LRMDA: variants seen among roughly 807,000 people sequenced by gnomAD.
LRMDA encodes leucine-rich melanocyte differentiation-associated protein.
Under a neutral mutation model 29.8 loss-of-function variants are expected in LRMDA, and 18 were observed. The ratio of observed to expected loss-of-function variants is 0.60; its 90% CI spans 0.42 to 0.90. The LOEUF is 0.90. LRMDA is among the 40% of genes least tolerant of loss of function. The pLI is 0.00. For missense variants in LRMDA, 273 were observed against 273.9 expected (o/e 1.00, Z 0.02); for synonymous variants, 125 against 109.4 (o/e 1.14, Z -0.89).
At chr10:75,646,784 A>G (rs191749045) in intron 2 of LRMDA, among the ~76,000 whole-genome samples, 1 of 152,314 alleles carries the variant, frequency 6.6e-6, no homozygotes, top group Non-Finnish European at 1.5e-5. Context: ...AATTGGGATG[A>G]GTTGGGCAAA....
At chr10:76,140,323 G>T (rs1019083846) in intron 5 of LRMDA, among the ~76,000 whole-genome samples, 1 of 152,116 alleles carries the variant, frequency 6.6e-6, no homozygotes, top group Non-Finnish European at 1.5e-5. Flanking sequence ...CACTGGAGAA[G>T]GTGCCAGCTG....
At chr10:75,909,291 C>T (rs564663213) in intron 2 of LRMDA, among the ~76,000 whole-genome samples, 1 of 152,006 alleles carries the variant, frequency 6.6e-6, no homozygotes, top group South Asian at 2.1e-4. Flanking sequence ...TCAGTAGGAC[C>T]TTTTATTTGG....
intron 5 of LRMDA, among the ~76,000 whole-genome samples, chr10:76,096,877 G>A (rs1045593846): frequency 3.3e-5 from 5 of 151,918 alleles, no homozygotes; most frequent in Admixed American, 6.6e-5. Context: ...TATGAGCTTC[G>A]AAATTTTAAT....
At chr10:76,122,223 C>T (rs1378837298) in intron 5 of LRMDA, among the ~76,000 whole-genome samples, 2 of 152,044 alleles carry the variant, frequency 1.3e-5, no homozygotes, top group African/African-American at 2.4e-5. Flanking sequence ...AGCAGCATCC[C>T]AGGAGGCCCA....
intron 2 of LRMDA, among the ~76,000 whole-genome samples, chr10:75,951,810 A>G (rs1047047082): frequency 4.6e-5 from 7 of 152,284 alleles, no homozygotes; most frequent in Middle Eastern, 3.4e-3. Flanking sequence ...TGAAAAGCTT[A>G]AGAAGGCTGA....
chr10:76,539,839 T>A (rs1907309), intron 6 of LRMDA, among the ~76,000 whole-genome samples: 60,817 of 151,946 alleles, frequency 0.4, 13,041 homozygotes, highest in African/African-American at 0.51. Flanking sequence ...TGAAAGCCTG[T>A]GAAACATGAA....
At chr10:76,142,681 T>A (rs1564664704) in intron 5 of LRMDA, among the ~76,000 whole-genome samples, 1 of 86,204 alleles carries the variant, frequency 1.2e-5, no homozygotes, top group Non-Finnish European at 2.2e-5. Context: ...TATGTTATTA[T>A]CTTTATTATT....
chr10:75,446,682 T>A lies in LRMDA; in HGVS notation c.131+8188T>A, dbSNP rs144811235. ...TGTGTTATAAGATTTTGGAGTTACT[T>A]GTTAATGCAGCATAACCTAGCCTAT... On this transcript the variant is annotated intron_variant, in intron 2 of 6. Transcript: ENST00000611255. Among the ~76,000 whole-genome samples the A allele has an allele frequency of 4.4e-3, 670 of 152,320 alleles. 6 individuals carry two copies. Among genetic ancestry groups the A allele is most frequent in the African/African-American group, 0.015 (639 of 41,556 alleles).
intron 2 of LRMDA, among the ~76,000 whole-genome samples, chr10:75,455,829 A>G (rs1844509777): frequency 6.6e-6 from 1 of 152,188 alleles, no homozygotes; most frequent in Admixed American, 6.5e-5. Flanking sequence ...CACCTCCTGG[A>G]GGGAGGGCAG....
intron 2 of LRMDA, among the ~76,000 whole-genome samples, chr10:75,884,245 T>TGTGTG (rs1845342100): frequency 9.1e-6 from 1 of 109,570 alleles, no homozygotes; most frequent in Non-Finnish European, 1.9e-5. Context: ...GCAGGCGACT[T>TGTGTG]TGTGTGTGTG....
At chr10:75,539,891 CT>C (rs1270010934) in intron 2 of LRMDA, among the ~76,000 whole-genome samples, 1 of 152,090 alleles carries the variant, frequency 6.6e-6, no homozygotes, top group Non-Finnish European at 1.5e-5. Context: ...CTGTCAGAGT[CT>C]TTTGGGTTTT....
At chr10:76,303,459 G>A (rs1400361785) in intron 5 of LRMDA, among the ~76,000 whole-genome samples, 1 of 152,030 alleles carries the variant, frequency 6.6e-6, no homozygotes, top group Non-Finnish European at 1.5e-5. Flanking sequence ...AGAAGGGAGA[G>A]GTGCCCGTCC....
At chr10:76,332,068 T>A (rs532723884) in intron 6 of LRMDA, among the ~76,000 whole-genome samples, 1 of 152,232 alleles carries the variant, frequency 6.6e-6, no homozygotes, top group African/African-American at 2.4e-5. Flanking sequence ...ATCAAATTCA[T>A]CTCCTTGCTA....
At chr10:75,933,085 C>T (rs1462097037) in intron 2 of LRMDA, among the ~76,000 whole-genome samples, 1 of 152,176 alleles carries the variant, frequency 6.6e-6, no homozygotes, top group African/African-American at 2.4e-5. Context: ...CAGGTGCTTT[C>T]AACACATGGC....
intron 2 of LRMDA, among the ~76,000 whole-genome samples, chr10:75,667,222 C>A (rs908296261): frequency 8.1e-4 from 13 of 15,952 alleles, no homozygotes; most frequent in Admixed American, 4.5e-3. Flanking sequence ...ATTTTATAAC[C>A]CCCCCCCCCA....
At chr10:76,011,467 C>T in intron 2 of LRMDA, among the ~76,000 whole-genome samples, 1 of 152,144 alleles carries the variant, frequency 6.6e-6, no homozygotes, top group East Asian at 1.9e-4. Flanking sequence ...TTGCTGTGAG[C>T]CAGTGTGTGA....
intron 5 of LRMDA, among the ~76,000 whole-genome samples, chr10:76,275,073 G>T (rs1183696008): frequency 6.6e-6 from 1 of 152,046 alleles, no homozygotes; most frequent in African/African-American, 2.4e-5. Flanking sequence ...TTTTCAAAAA[G>T]GGCTCATGAG....
chr10:76,513,711 A>G (rs1843031611), intron 6 of LRMDA, among the ~76,000 whole-genome samples: 1 of 152,204 alleles, frequency 6.6e-6, no homozygotes, highest in African/African-American at 2.4e-5. Context: ...GGCAGGGATA[A>G]TGCATTCAAG....
chr10:76,336,335 C>T (rs1840968697), intron 6 of LRMDA, among the ~76,000 whole-genome samples: 1 of 152,184 alleles, frequency 6.6e-6, no homozygotes, highest in African/African-American at 2.4e-5. Flanking sequence ...TCATGCTGGA[C>T]GGAGCATAAC....
Sources: gnomAD v4.1 joint callset for allele counts (sites outside exome capture counted in the v4.1 genomes callset) on GRCh38, gnomAD v4.1.1 for gene constraint, MANE v1.5 for transcripts, NCBI Gene and HGNC (gene_info 2026-07-23, HGNC 2026-07-21) for gene names.